Variants in SPPL2B observed in about 807,000 individuals in gnomAD.
The protein encoded by SPPL2B is signal peptide peptidase-like 2B.
In SPPL2B, 39 loss-of-function variants were observed where a neutral mutation model predicts 59.7. The ratio of observed to expected loss-of-function variants is 0.65; its 90% confidence interval spans 0.51 to 0.85. The LOEUF (loss-of-function observed/expected upper bound fraction) is 0.85. Among genes scored for constraint, SPPL2B ranks in the 40% least tolerant of loss-of-function variants. SPPL2B has a pLI of 0.00. For missense variants in SPPL2B, 865 were observed against 849.0 expected, an observed-to-expected ratio of 1.02 and a Z score of -0.23; for synonymous variants, 419 against 370.8, an observed-to-expected ratio of 1.13 and a Z score of -1.49.
intron 8 of SPPL2B, chr19:2,341,571 G>A (rs372032437): frequency 4.4e-6 from 2 of 455,656 alleles, no homozygotes. Context: ...GGAGGACAGA[G>A]CTGGCCCGTC....
At chr19:2,340,047 C>G (rs3746287) in intron 6 of SPPL2B, 29 bp from the exon 7 acceptor site, 221 of 1,573,336 alleles carry the variant, frequency 1.4e-4, no homozygotes, top group Non-Finnish European at 1.7e-4. Flanking sequence ...GCGGGCCTGG[C>G]CCCCGGCCTC....
chr19:2,352,885 C>CT (rs1970002764), intron 14 of SPPL2B, 61 bp from the exon 15 acceptor site: 2 of 1,588,860 alleles, frequency 1.3e-6, no homozygotes, highest in Admixed American at 1.7e-5. Flanking sequence ...GTCCTGGCCC[C>CT]TGCCAGGGTC....
intron 13 of SPPL2B, among the ~76,000 whole-genome samples, chr19:2,347,928 TCC>T (rs1969558448): frequency 7.5e-5 from 3 of 40,006 alleles, no homozygotes; most frequent in Non-Finnish European, 1.9e-4. Flanking sequence ...TTCCGTTCTC[TCC>T]CTCCACACAC....
In SPPL2B at chr19:2,344,157, C is replaced by T. The variant is rs1336882522; in HGVS notation, c.1113+118C>T. 3.2e-4 allele frequency: 162 copies of T among 513,962 alleles called. 1 individual carries two copies. Among genetic ancestry groups the T allele is most frequent in the South Asian group, 1.6e-3 (87 of 53,278 alleles). 31.8% of individuals were successfully genotyped at this position (513,962 alleles called of 1,614,324 possible). Reference sequence around the variant, plus strand: ...CCTCGTCCCGCCCCCTCGTCCCCCTCCACCCCACACCGTGCTCCCCTGCCC... The same window carrying T: ...CCTCGTCCCGCCCCCTCGTCCCCCTTCACCCCACACCGTGCTCCCCTGCCC... On this transcript the variant is annotated intron_variant, in intron 10 of 14. Transcript: ENST00000613503.
In SPPL2B at chr19:2,347,214, C is replaced by T. The variant is rs1360570706; in HGVS notation, c.1354+1884C>T. 4.4e-5 allele frequency among the ~76,000 whole-genome samples: 6 copies of T among 136,536 alleles called. No individual in the cohort carries two copies. The East Asian group carries it at 8.7e-4, about 20-fold the overall frequency. The allele number at this position is 136,536 out of a possible 152,430, so 89.6% of individuals were successfully genotyped here. On this transcript the variant is annotated intron_variant, in intron 13 of 14. Transcript: ENST00000613503. ...TTCGCCTGATTCCGTTCTCTCCCTC[C>T]ACACACACACTCACGCGCTCTCATT...
chr19:2,331,232 G>T (rs1968275284), intron 1 of SPPL2B, among the ~76,000 whole-genome samples: 1 of 152,194 alleles, frequency 6.6e-6, no homozygotes, highest in African/African-American at 2.4e-5. Flanking sequence ...TCCCCGCCTG[G>T]ACTCACTGGC....
intron 13 of SPPL2B, among the ~76,000 whole-genome samples, chr19:2,346,001 T>G (rs1969348184): frequency 1.3e-5 from 2 of 152,270 alleles, no homozygotes; most frequent in African/African-American, 2.4e-5. Context: ...TTTCTTTTCC[T>G]TTTCTTTCCT....
At chr19:2,346,251 G>A (rs1445889803) in intron 13 of SPPL2B, among the ~76,000 whole-genome samples, 2 of 152,200 alleles carry the variant, frequency 1.3e-5, no homozygotes, top group Non-Finnish European at 2.9e-5. Flanking sequence ...CTCCCTAAAC[G>A]GCCACTCCCA....
intron 1 of SPPL2B, among the ~76,000 whole-genome samples, chr19:2,330,079 C>A (rs1168828195): frequency 2.0e-5 from 3 of 151,652 alleles, no homozygotes; most frequent in African/African-American, 7.3e-5. Flanking sequence ...GAGAGGGACT[C>A]AGTTTGCCTG....
Position 2,332,877 on chromosome 19 carries a change from G to A in SPPL2B, c.67-1725G>A, listed in dbSNP as rs1968356382. Reference sequence around the variant, plus strand: ...ATCCTGGCGAGATGGAGATGTCTTTGTCAGCTGCTGGGTGGGGGCCCTGGG... The same window carrying A: ...ATCCTGGCGAGATGGAGATGTCTTTATCAGCTGCTGGGTGGGGGCCCTGGG... On this transcript the variant is annotated intron_variant, in intron 1 of 14. Coordinates refer to ENST00000613503, the MANE Select transcript of SPPL2B (RefSeq NM_152988.3). This position sits in a 1 kb window ranked among gnomAD's most constrained non-coding sequence, Gnocchi z 4.6. 6.6e-6 allele frequency among the ~76,000 whole-genome samples: 1 copy of A among 152,138 alleles called. No homozygotes were observed. Among genetic ancestry groups the A allele is most frequent in the Non-Finnish European group, 1.5e-5 (1 of 68,014 alleles).
At position 2,344,390 on chromosome 19, in the gene SPPL2B, C is replaced by T. The variant is rs751971086; in HGVS notation, c.1142C>T (p.Ala381Val). Residue 381 changes from alanine (A) to valine (V), a missense_variant, in exon 11 of 15, where the codon GCC becomes GTC. By Grantham distance (64) the Ala-to-Val change is moderately conservative. Transcript: ENST00000613503. ...GGGAGCAGCATCATGGTGGAGGTGGCCACTGGGCCCTCGGACTCAGCCACC... is the reference window on the plus strand; with the variant it reads ...GGGAGCAGCATCATGGTGGAGGTGGTCACTGGGCCCTCGGACTCAGCCACC... ...KSGSSIMVEV[A>V]TGPSDSATRE... 1 of 1,339,848 alleles carries T rather than the reference C, an allele frequency of 7.5e-7. No individual in the cohort carries two copies. Among genetic ancestry groups the T allele is most frequent in the South Asian group, 1.2e-5 (1 of 82,274 alleles). The allele number at this position is 1,339,848 out of a possible 1,614,324, so 83.0% of individuals were successfully genotyped here. A position where few individuals can be genotyped will look rare whatever the true frequency, so the allele number is the denominator to read the frequency against.
intron 8 of SPPL2B, 79 bp from the exon 9 acceptor site, chr19:2,343,132 C>T: frequency 8.7e-7 from 1 of 1,145,432 alleles, no homozygotes; most frequent in Non-Finnish European, 1.3e-6. Context: ...GAGCAAGGGC[C>T]CTGTGTGGCT....
chr19:2,331,358 A>G (rs1968285321), intron 1 of SPPL2B, among the ~76,000 whole-genome samples: 1 of 152,214 alleles, frequency 6.6e-6, no homozygotes, highest in Non-Finnish European at 1.5e-5. Context: ...GCAATTGTGA[A>G]GGATTTGGAG....
intron 13 of SPPL2B, among the ~76,000 whole-genome samples, chr19:2,348,871 G>C (rs551513404): frequency 7.6e-6 from 1 of 131,410 alleles, no homozygotes; most frequent in East Asian, 2.4e-4. Context: ...GCTGTCATTC[G>C]CTTGATTCCA....
rs1227984825 is a variant in SPPL2B at position 2,342,970 on chromosome 19, C to T, written c.957-241C>T. The stretch of plus-strand genomic sequence containing the variant: ...TGTCCTGGCTGCCGAGTGGTGGGCT[C>T]CTCTACCTGCTTCCGCAGGGTGGGC... On this transcript the variant is annotated intron_variant, in intron 8 of 14. Coordinates refer to ENST00000613503, the MANE Select transcript of SPPL2B (RefSeq NM_152988.3). The T allele has an allele frequency of 1.1e-5, 6 of 549,008 alleles. 1 individual carries two copies. In the East Asian group the frequency reaches 1.8e-4, roughly 17 times the overall value. 34.0% of individuals were successfully genotyped at this position (549,008 alleles called of 1,614,324 possible).
chr19:2,349,313 G>A (rs200673820), intron 13 of SPPL2B, among the ~76,000 whole-genome samples: 2 of 21,562 alleles, frequency 9.3e-5, no homozygotes, highest in Admixed American at 4.9e-4. Context: ...CCACACACAC[G>A]CGCTCTCATT....
intron 12 of SPPL2B, 79 bp from the exon 13 acceptor site, chr19:2,345,165 AGGTGCTCAG>A: frequency 9.3e-7 from 1 of 1,076,520 alleles, no homozygotes; most frequent in Non-Finnish European, 1.4e-6. Context: ...CGGCGCCCAC[AGGTGCTCAG>A]GTGCCCGCCC....
At chr19:2,337,417 A>T in intron 2 of SPPL2B, 26 bp from the exon 3 acceptor site, 3 of 1,566,426 alleles carry the variant, frequency 1.9e-6, no homozygotes, top group Non-Finnish European at 2.6e-6. Context: ...ATCACGTGAG[A>T]CAACACTGTG....
chr19:2,343,172 C>T (rs1969156891), intron 8 of SPPL2B, 39 bp from the exon 9 acceptor site: 2 of 1,532,368 alleles, frequency 1.3e-6, no homozygotes, highest in East Asian at 2.4e-5. Context: ...GGTGGTCAGC[C>T]AGCCTCTGCC....
Sources: allele counts gnomAD v4.1 joint callset (sites outside exome capture counted in the v4.1 genomes callset), GRCh38; gene constraint gnomAD v4.1.1; non-coding constraint Gnocchi (gnomAD v3.1); transcripts MANE v1.5; gene names NCBI Gene and HGNC (gene_info 2026-07-23, HGNC 2026-07-21).